Variants in FAAH2 observed in about 807,000 individuals in gnomAD.
The protein encoded by FAAH2 is fatty acid amide hydrolase 2.
A neutral mutation model predicts 36.9 loss-of-function variants in FAAH2; 60 were observed. The ratio of observed to expected loss-of-function variants is 1.63; its 90% confidence interval spans 1.32 to 2.02. The LOEUF (loss-of-function observed/expected upper bound fraction) is 2.02, where lower values mean the gene tolerates loss of function less well. Among genes scored for constraint, FAAH2 ranks in the 30% most tolerant of loss-of-function variants. FAAH2 has a pLI of 0.00. For synonymous variants in FAAH2, 214 were observed against 143.8 expected (o/e 1.49, Z -3.49); for missense variants, 689 against 397.5 (o/e 1.73, Z -6.23).
chrX:57,348,544 G>C (rs768134266), intron 5 of FAAH2, among the ~76,000 whole-genome samples: 1 of 111,081 alleles, frequency 9.0e-6, no homozygotes, highest in Non-Finnish European at 1.9e-5. Flanking sequence ...CTTGGCACGA[G>C]GATGGATGCT....
chrX:57,324,361 T>C (rs1469551508), intron 3 of FAAH2, among the ~76,000 whole-genome samples: 2 of 112,229 alleles, frequency 1.8e-5, no homozygotes, highest in Non-Finnish European at 3.8e-5. Flanking sequence ...AAGTAGTTTT[T>C]TCCAATTCTG....
In FAAH2 at chrX:57,339,479, C is replaced by A. The variant is rs756099781; in HGVS notation, c.623-1792C>A. Among the ~76,000 whole-genome samples, 22 of 111,755 alleles carry A rather than the reference C, an allele frequency of 2.0e-4. No homozygotes were observed. In the South Asian group the frequency reaches 8.2e-3, roughly 42 times the overall value. On this transcript the variant is annotated intron_variant, in intron 4 of 10. Transcript: ENST00000374900. Reference sequence around the variant, plus strand: ...ACTATCATCAGAGTGAACAGACAACCTACAGAATGGGAGATAATTTTTGCA... The same window carrying A: ...ACTATCATCAGAGTGAACAGACAACATACAGAATGGGAGATAATTTTTGCA...
At chrX:57,232,653 A>G in the FAAH2 span, among the ~76,000 whole-genome samples, 1 of 112,240 alleles carries the variant, frequency 8.9e-6, no homozygotes, top group Non-Finnish European at 1.9e-5. Flanking sequence ...TCAATTCTGT[A>G]TTTATATTCC....
intron 10 of FAAH2, among the ~76,000 whole-genome samples, chrX:57,455,139 G>A (rs535943292): frequency 9.0e-6 from 1 of 111,649 alleles, no homozygotes; most frequent in Admixed American, 9.5e-5. Flanking sequence ...GAGATTGGGG[G>A]CCTATTTTCA....
chrX:57,345,321 A>T (rs181006548), intron 5 of FAAH2, among the ~76,000 whole-genome samples: 303 of 107,850 alleles, frequency 2.8e-3, no homozygotes, highest in African/African-American at 9.5e-3. Flanking sequence ...GAAGCTTGTT[A>T]TTTGTCTTTT....
chrX:57,374,682 G>T (rs1263834019), intron 5 of FAAH2, among the ~76,000 whole-genome samples: 2 of 111,444 alleles, frequency 1.8e-5, no homozygotes, highest in Non-Finnish European at 3.8e-5. Context: ...CCTCTTTACC[G>T]ATTTGGATGC....
intron 5 of FAAH2, among the ~76,000 whole-genome samples, chrX:57,364,878 G>C (rs1231711655): frequency 9.0e-6 from 1 of 111,468 alleles, no homozygotes; most frequent in Non-Finnish European, 1.9e-5. Flanking sequence ...GATTGTCTTG[G>C]TATTGATTTC....
At chrX:57,402,105 C>T (rs181086785) in intron 7 of FAAH2, among the ~76,000 whole-genome samples, 6 of 111,483 alleles carry the variant, frequency 5.4e-5, no homozygotes, top group Admixed American at 9.5e-5. Flanking sequence ...CAAGCATACC[C>T]GGGGCTCTGT....
At chrX:57,282,990 C>G (rs2051767562), upstream of FAAH2, among the ~76,000 whole-genome samples, 1 of 111,875 alleles carries the variant, frequency 8.9e-6, no homozygotes, top group African/African-American at 3.3e-5. Flanking sequence ...GAGGGTCTTT[C>G]CCGTGTCTTT....
intron 10 of FAAH2, among the ~76,000 whole-genome samples, chrX:57,488,549 A>G (rs1602865911): frequency 8.9e-6 from 1 of 111,831 alleles, no homozygotes; most frequent in Non-Finnish European, 1.9e-5. Flanking sequence ...CATCAGAAAA[A>G]TAGTGATAAT....
chrX:57,315,157 A>G (rs763916933), intron 3 of FAAH2, among the ~76,000 whole-genome samples: 1 of 111,467 alleles, frequency 9.0e-6, no homozygotes, highest in South Asian at 3.7e-4. Context: ...AAAAATATAT[A>G]GAAAATGTAA....
chrX:57,442,433 T>C (rs1420428757), intron 8 of FAAH2, among the ~76,000 whole-genome samples: 3 of 111,208 alleles, frequency 2.7e-5, no homozygotes, highest in Admixed American at 1.9e-4. Flanking sequence ...GATTGCAACC[T>C]CTGCTTTTTT....
At chrX:57,458,983 C>G (rs1487900006) in intron 10 of FAAH2, among the ~76,000 whole-genome samples, 1 of 111,898 alleles carries the variant, frequency 8.9e-6, no homozygotes, top group Non-Finnish European at 1.9e-5. Flanking sequence ...CCGTTCACTC[C>G]CCTGGAAAGA....
At chrX:57,181,856 C>T in the FAAH2 span, among the ~76,000 whole-genome samples, 3 of 111,991 alleles carry the variant, frequency 2.7e-5, no homozygotes, top group East Asian at 8.4e-4. Flanking sequence ...ATCAAAACTG[C>T]ATGGTACTGG....
the FAAH2 span, chrX:57,134,392 C>G: frequency 9.0e-6 from 1 of 111,392 alleles, no homozygotes; most frequent in Non-Finnish European, 1.9e-5. Context: ...TCTGCAGACA[C>G]CAGCTTTGTG....
the FAAH2 span, among the ~76,000 whole-genome samples, chrX:57,190,763 C>T: frequency 9.1e-6 from 1 of 109,969 alleles, no homozygotes; most frequent in Non-Finnish European, 1.9e-5. Flanking sequence ...AAACAGTATA[C>T]CTTTGTTGGG....
At chrX:57,416,214 T>C (rs1052254635) in intron 7 of FAAH2, among the ~76,000 whole-genome samples, 4 of 111,797 alleles carry the variant, frequency 3.6e-5, no homozygotes, top group Non-Finnish European at 7.5e-5. Context: ...TTGGGACACT[T>C]AGCCTGTTTA....
chrX:57,254,949 CA>C, the FAAH2 span, among the ~76,000 whole-genome samples: 2 of 110,418 alleles, frequency 1.8e-5, no homozygotes, highest in Admixed American at 9.7e-5. Context: ...GATTGAGACA[CA>C]AAAAAACCCT....
intron 7 of FAAH2, chrX:57,392,576 C>T: frequency 1.2e-6 from 1 of 821,023 alleles, no homozygotes; most frequent in Non-Finnish European, 1.8e-6. Flanking sequence ...TTCCTAACTC[C>T]CAGTGGGCCT....
Sources: gnomAD v4.1 joint callset for allele counts (sites outside exome capture counted in the v4.1 genomes callset) on GRCh38, gnomAD v4.1.1 for gene constraint, MANE v1.5 for transcripts, NCBI Gene and HGNC (gene_info 2026-07-23, HGNC 2026-07-21) for gene names.